The following ESR1 variants were observed in gnomAD, a reference collection of about 807,000 sequenced individuals.
The protein encoded by ESR1 is estrogen receptor 1, also known as estrogen receptor.
ESR1 carries 12 observed loss-of-function variants against 52.7 expected under a neutral mutation model. That is an observed-to-expected ratio of 0.23 (90% CI 0.15 to 0.37). The LOEUF is 0.37. ESR1 is among the 10% of genes least tolerant of loss of function. The pLI, the probability that ESR1 is intolerant of heterozygous loss-of-function variation, is 1.00. For missense variants in ESR1, 584 were observed against 779.7 expected (o/e 0.75, Z 2.99); for synonymous variants, 305 against 316.8 (o/e 0.96, Z 0.39).
chr6:151,749,258 A>G (rs1783723470), intron 2 of ESR1, among the ~76,000 whole-genome samples: 1 of 151,798 alleles, frequency 6.6e-6, no homozygotes, highest in Admixed American at 6.6e-5. Context: ...AGAGTAAGCC[A>G]TTTTTAAAAT....
intron 1 of ESR1, among the ~76,000 whole-genome samples, chr6:151,823,545 A>G (rs1780949910): frequency 6.6e-6 from 1 of 152,162 alleles, no homozygotes; most frequent in African/African-American, 2.4e-5. Flanking sequence ...ATATGTATAC[A>G]TGTGCCATGT....
Position 151,827,373 on chromosome 6 carries a change from GA to G in ESR1, c.453-15215del, listed in dbSNP as rs917894160. On this transcript the variant is annotated intron_variant, in intron 1 of 7. Coordinates refer to ENST00000206249, the MANE Select transcript of ESR1 (RefSeq NM_000125.4). ...AAAAAAAAAAAAGAAAAAGAAAAAA[GA>G]AAAAAAAAGAAGTTGGAGGTGAGTA... 2.7e-5 allele frequency among the ~76,000 whole-genome samples: 4 copies of G among 148,224 alleles called. No homozygotes were observed. In the East Asian group the frequency reaches 8.0e-4, roughly 29 times the overall value.
chr6:151,809,373 G>GT (rs1179755666), intron 1 of ESR1: 2 of 271,712 alleles, frequency 7.4e-6, no homozygotes, highest in South Asian at 3.4e-5. Context: ...TTTGTTTTTT[G>GT]TTTTTTGTTT....
chr6:151,775,519 G>A (rs1029034211), intron 2 of ESR1, among the ~76,000 whole-genome samples: 1 of 151,990 alleles, frequency 6.6e-6, no homozygotes, highest in African/African-American at 2.4e-5. Context: ...AAGCCGAAGC[G>A]GGCGGATCAC....
At chr6:151,680,240 G>T (rs1014092221) in intron 1 of ESR1, among the ~76,000 whole-genome samples, 2 of 128,842 alleles carry the variant, frequency 1.6e-5, no homozygotes, top group African/African-American at 5.9e-5. Context: ...GTCTCGCTCT[G>T]TCACCCAGGC....
intron 2 of ESR1, among the ~76,000 whole-genome samples, chr6:151,721,726 C>T (rs1781475509): frequency 6.6e-6 from 1 of 152,144 alleles, no homozygotes; most frequent in Non-Finnish European, 1.5e-5. Context: ...TAGAAAGATC[C>T]CCACCTCTCC....
At position 152,019,048 on chromosome 6, in the gene ESR1, A is replaced by G. The variant is rs146901282; in HGVS notation, c.1235+7254A>G. Among the ~76,000 whole-genome samples the G allele has an allele frequency of 8.5e-4, 130 of 152,240 alleles. No homozygotes were observed. The Middle Eastern group carries it at 0.031, about 36-fold the overall frequency. ...CAGATACCACTTGACTGACTCTTAA[A>G]AGTCTTTGGTTTATTGCCCAATTCT... On this transcript the variant is annotated intron_variant, in intron 5 of 7. Transcript: ENST00000206249.
chr6:151,730,458 C>T (rs1285533994), intron 2 of ESR1, among the ~76,000 whole-genome samples: 1 of 152,172 alleles, frequency 6.6e-6, no homozygotes, highest in Non-Finnish European at 1.5e-5. Context: ...TGTCCTGCTT[C>T]TCAGAGGGTC....
intron 1 of ESR1, among the ~76,000 whole-genome samples, chr6:151,809,683 G>A (rs1306811206): frequency 2.0e-5 from 3 of 152,148 alleles, no homozygotes; most frequent in African/African-American, 4.8e-5. Context: ...AGATTCTGGG[G>A]GTATTCAGTG....
chr6:152,020,388 A>G (rs1260465257), intron 5 of ESR1, among the ~76,000 whole-genome samples: 2 of 152,126 alleles, frequency 1.3e-5, no homozygotes, highest in Non-Finnish European at 2.9e-5. Flanking sequence ...AATATTACCA[A>G]TGCCAATGTG....
At position 151,976,653 on chromosome 6, in the gene ESR1, T is replaced by G. The variant is rs534711885; in HGVS notation, c.1096+32145T>G. The stretch of plus-strand genomic sequence containing the variant: ...TCTCTTGCTGTTATTATTTGTCCTA[T>G]TTAGACAAACAGAACATAGAATTAA... On this transcript the variant is annotated intron_variant, in intron 4 of 7. Transcript: ENST00000206249. Among the ~76,000 whole-genome samples the G allele has an allele frequency of 3.3e-5, 5 of 152,264 alleles. No individual in the cohort carries two copies. The South Asian group carries it at 1.0e-3, about 32-fold the overall frequency.
At chr6:151,720,087 CA>C (rs1781350759) in intron 2 of ESR1, among the ~76,000 whole-genome samples, 1 of 152,126 alleles carries the variant, frequency 6.6e-6, no homozygotes, top group African/African-American at 2.4e-5. Context: ...CTGGGTAATC[CA>C]TTGGCTCACT....
chr6:152,093,795 G>GA (rs1353831949), intron 6 of ESR1, among the ~76,000 whole-genome samples: 1 of 152,108 alleles, frequency 6.6e-6, no homozygotes, highest in Non-Finnish European at 1.5e-5. Flanking sequence ...ATCCTACCTG[G>GA]AAAAATCACC....
At position 151,808,198 on chromosome 6, in the gene ESR1, G is replaced by C. The variant is rs1360635128; in HGVS notation, c.286G>C (p.Gly96Arg). 2 of 1,576,454 alleles carry C rather than the reference G, an allele frequency of 1.3e-6. No individual in the cohort carries two copies. The highest frequency in any genetic ancestry group is 1.2e-5 in the South Asian group (1 of 86,556). ...AAAFGSNGLGGFPPLNSVSPS... is the reference protein window; with the variant it reads ...AAAFGSNGLGRFPPLNSVSPS... Reference sequence around the variant, plus strand: ...GGCGTTCGGCTCCAACGGCCTGGGGGGTTTCCCCCCACTCAACAGCGTGTC... The same window carrying C: ...GGCGTTCGGCTCCAACGGCCTGGGGCGTTTCCCCCCACTCAACAGCGTGTC... Residue 96 changes from glycine (G) to arginine (R), a missense_variant, in exon 1 of 8, where the codon GGT (glycine) becomes CGT (arginine). Physicochemically the swap from Gly to Arg is moderately radical, Grantham distance 125. Coordinates refer to ENST00000206249, the MANE Select transcript of ESR1 (RefSeq NM_000125.4).
intron 3 of ESR1, among the ~76,000 whole-genome samples, chr6:151,930,030 C>T (rs1188724321): frequency 3.3e-5 from 5 of 150,804 alleles, no homozygotes; most frequent in South Asian, 2.1e-4. Flanking sequence ...GTTGCCCAGG[C>T]GGGAGTGCAA....
chr6:151,916,724 G>T (rs1209117103), intron 3 of ESR1, among the ~76,000 whole-genome samples: 1 of 152,026 alleles, frequency 6.6e-6, no homozygotes, highest in Non-Finnish European at 1.5e-5. Context: ...TAAACCCAGG[G>T]ATTTCTATTA....
chr6:151,660,735 A>C (rs1478730574), intron 1 of ESR1, among the ~76,000 whole-genome samples: 1 of 152,188 alleles, frequency 6.6e-6, no homozygotes, highest in Non-Finnish European at 1.5e-5. Flanking sequence ...TGTATATTTA[A>C]CTCACAATAA....
chr6:151,832,703 G>A (rs1159068650), intron 1 of ESR1, among the ~76,000 whole-genome samples: 2 of 152,050 alleles, frequency 1.3e-5, no homozygotes, highest in African/African-American at 2.4e-5. Flanking sequence ...TATTTATTGG[G>A]TATTTTCTGT....
At chr6:152,096,289 T>A (rs1268791355) in intron 7 of ESR1, among the ~76,000 whole-genome samples, 1 of 152,200 alleles carries the variant, frequency 6.6e-6, no homozygotes, top group Non-Finnish European at 1.5e-5. Flanking sequence ...TTAGTGGCTA[T>A]GAGGGAAGGC....
Sources: allele counts gnomAD v4.1 joint callset (sites outside exome capture counted in the v4.1 genomes callset), GRCh38; gene constraint gnomAD v4.1.1; transcripts MANE v1.5; gene names NCBI Gene and HGNC (gene_info 2026-07-23, HGNC 2026-07-21).